HDAC4: variants seen among roughly 807,000 people sequenced by gnomAD.
HDAC4 encodes histone deacetylase 4.
Under a neutral mutation model 135.1 loss-of-function variants are expected in HDAC4, and 16 were observed. The observed-to-expected ratio is 0.12, with a 90% CI of 0.08 to 0.18. HDAC4 has a LOEUF of 0.18. Ranked by LOEUF, HDAC4 falls within the 10% of genes least tolerant of loss-of-function variation. HDAC4 has a pLI of 1.00. For synonymous variants in HDAC4, 685 were observed against 653.4 expected (o/e 1.05, Z -0.74); for missense variants, 1,143 against 1,511.8 (o/e 0.76, Z 4.05).
chr2:239,082,490 G>A (rs2035438588), intron 20 of HDAC4, among the ~76,000 whole-genome samples: 1 of 152,220 alleles, frequency 6.6e-6, no homozygotes, highest in Admixed American at 6.5e-5. Context: ...GCACAATCCT[G>A]ACTCCAGCAG....
At chr2:239,398,218 G>A (rs923318284) in intron 1 of HDAC4, among the ~76,000 whole-genome samples, 2 of 152,244 alleles carry the variant, frequency 1.3e-5, no homozygotes, top group Non-Finnish European at 2.9e-5. Context: ...ACTCATGGCA[G>A]CTTCTGAGCT....
At chr2:239,197,643 T>C (rs1472222258) in intron 3 of HDAC4, among the ~76,000 whole-genome samples, 1 of 152,216 alleles carries the variant, frequency 6.6e-6, no homozygotes, top group Admixed American at 6.5e-5. Flanking sequence ...TCTTCATGTG[T>C]GATTTCCTTA....
intron 11 of HDAC4, among the ~76,000 whole-genome samples, chr2:239,127,820 C>A (rs928939113): frequency 6.6e-6 from 1 of 152,224 alleles, no homozygotes; most frequent in African/African-American, 2.4e-5. Flanking sequence ...CGGCAAGTGG[C>A]AGCTCCTGTC....
rs539525207 is a variant in HDAC4, at chr2:239,308,603, G to T, written c.22+44075C>A. Among the ~76,000 whole-genome samples the T allele has an allele frequency of 6.6e-6, 1 of 152,180 alleles. No homozygotes were observed. The highest frequency in any genetic ancestry group is 6.5e-5 in the Admixed American group (1 of 15,282). ...TCGTATCCAGGTGAGCTCGTTTTTT[G>T]TATTTCAAAAGCACAAAGATCTATG... On this transcript the variant is annotated intron_variant, in intron 2 of 26. Coordinates refer to ENST00000543185, the MANE Select transcript of HDAC4 (RefSeq NM_001378414.1). This position sits in a 1 kb window ranked among gnomAD's most constrained non-coding sequence, Gnocchi z 4.2.
chr2:239,258,352 C>T lies in HDAC4; in HGVS notation c.23-21688G>A, dbSNP rs574287183. ...CGTCTGAAAGGACCCTGGCCAAGAA[C>T]TACCCCAAATGGCTAAAAGACACCA... On this transcript the variant is annotated intron_variant, in intron 2 of 26. Transcript: ENST00000543185. 4.6e-5 allele frequency among the ~76,000 whole-genome samples: 7 copies of T among 151,184 alleles called. No individual in the cohort carries two copies. The East Asian group carries it at 1.4e-3, about 30-fold the overall frequency.
At chr2:239,271,450 C>A (rs2050054105) in intron 2 of HDAC4, among the ~76,000 whole-genome samples, 2 of 152,180 alleles carry the variant, frequency 1.3e-5, no homozygotes, top group African/African-American at 4.8e-5. Flanking sequence ...TTTGTTTACA[C>A]ATTCTAAGTT....
chr2:239,143,268 A>C (rs1300386193), intron 8 of HDAC4, among the ~76,000 whole-genome samples: 1 of 151,778 alleles, frequency 6.6e-6, no homozygotes. Context: ...TTTAAAAAAA[A>C]AACAACAAAA....
At chr2:239,157,576 C>G (rs1369741328) in intron 6 of HDAC4, among the ~76,000 whole-genome samples, 1 of 152,170 alleles carries the variant, frequency 6.6e-6, no homozygotes. Context: ...TCAGCAAGGC[C>G]TTTTTTGACG....
intron 1 of HDAC4, among the ~76,000 whole-genome samples, chr2:239,353,260 C>A (rs1693280146): frequency 6.6e-6 from 1 of 152,184 alleles, no homozygotes; most frequent in Non-Finnish European, 1.5e-5. Context: ...AGTGATCCAC[C>A]CACCTCAGCC....
intron 1 of HDAC4, among the ~76,000 whole-genome samples, chr2:239,360,777 G>A (rs1030896030): frequency 1.3e-5 from 2 of 152,244 alleles, no homozygotes; most frequent in African/African-American, 2.4e-5. Context: ...CACTAGCCCA[G>A]TGTGTTCTCT....
At chr2:239,376,661 G>A (rs1243336542) in intron 1 of HDAC4, among the ~76,000 whole-genome samples, 4 of 152,218 alleles carry the variant, frequency 2.6e-5, no homozygotes, top group East Asian at 3.8e-4. Context: ...TGCCCGGGAC[G>A]CCTAGTTTTT....
chr2:239,094,628 G>A, intron 17 of HDAC4: 1 of 1,143,576 alleles, frequency 8.7e-7, no homozygotes, highest in Non-Finnish European at 1.1e-6. Flanking sequence ...GTAGCTTCGG[G>A]TGGAAACTAG....
chr2:239,391,534 G>A (rs944306714), intron 1 of HDAC4, among the ~76,000 whole-genome samples: 1 of 152,192 alleles, frequency 6.6e-6, no homozygotes, highest in African/African-American at 2.4e-5. Flanking sequence ...CAGAGCCAGC[G>A]GGGGAGGAGG....
chr2:239,254,521 T>C (rs1004044633), intron 2 of HDAC4, among the ~76,000 whole-genome samples: 1 of 151,874 alleles, frequency 6.6e-6, no homozygotes, highest in Non-Finnish European at 1.5e-5. Flanking sequence ...GAATTTTCTA[T>C]AATTGAGAAG....
intron 6 of HDAC4, among the ~76,000 whole-genome samples, chr2:239,161,486 G>A (rs543836581): frequency 1.2e-4 from 19 of 152,200 alleles, no homozygotes; most frequent in African/African-American, 4.1e-4. Flanking sequence ...TGGGATCAGG[G>A]TTTCAGTTCT....
chr2:239,210,174 T>C (rs969509996), intron 3 of HDAC4, among the ~76,000 whole-genome samples: 1 of 152,134 alleles, frequency 6.6e-6, no homozygotes, highest in Admixed American at 6.5e-5. Context: ...CAGCATTAAC[T>C]ACAAACCGCC....
intron 1 of HDAC4, among the ~76,000 whole-genome samples, chr2:239,362,680 C>G (rs764948046): frequency 6.6e-6 from 1 of 152,182 alleles, no homozygotes; most frequent in African/African-American, 2.4e-5. Context: ...GAGCAGCCTG[C>G]AGAACCCAGT....
intron 4 of HDAC4, among the ~76,000 whole-genome samples, chr2:239,182,901 G>T (rs1165220219): frequency 6.6e-6 from 1 of 152,154 alleles, no homozygotes; most frequent in Non-Finnish European, 1.5e-5. Context: ...CCCTCAGTTG[G>T]CTTCTGGAGG....
chr2:239,263,821 G>A (rs1361818557), intron 2 of HDAC4, among the ~76,000 whole-genome samples: 2 of 152,128 alleles, frequency 1.3e-5, no homozygotes, highest in Admixed American at 6.5e-5. Context: ...CCAGCTGTCC[G>A]ACTCGGCTGA....
Sources: gnomAD v4.1 joint callset for allele counts (sites outside exome capture counted in the v4.1 genomes callset) on GRCh38, gnomAD v4.1.1 for gene constraint, Gnocchi (gnomAD v3.1) non-coding constraint, MANE v1.5 for transcripts, NCBI Gene and HGNC (gene_info 2026-07-23, HGNC 2026-07-21) for gene names.